Variants in HTRA1 observed in about 807,000 individuals in gnomAD.
The protein encoded by HTRA1 is HtrA serine peptidase 1, also known as serine protease HTRA1.
A neutral mutation model predicts 49.7 loss-of-function variants in HTRA1; 26 were observed. That is an observed-to-expected ratio of 0.52 (90% CI 0.38 to 0.73). HTRA1 has a LOEUF of 0.73. HTRA1 is among the 30% of genes least tolerant of loss of function. The pLI is 0.00. For synonymous variants in HTRA1, 291 were observed against 286.9 expected (o/e 1.01, Z -0.14); for missense variants, 561 against 667.2 (o/e 0.84, Z 1.75).
chr10:122,502,817 C>CT, intron 3 of HTRA1, among the ~76,000 whole-genome samples: 1 of 152,372 alleles, frequency 6.6e-6, no homozygotes, highest in East Asian at 1.9e-4. Context: ...CGCCTGGGCT[C>CT]TATGAGAGCA....
rs1194749379 is a variant in HTRA1 at position 122,490,962 on chromosome 10, G to A, written c.777+1336G>A. On this transcript the variant is annotated intron_variant, in intron 3 of 8. Coordinates refer to ENST00000368984, the MANE Select transcript of HTRA1 (RefSeq NM_002775.5). This position sits in a 1 kb window ranked among gnomAD's most constrained non-coding sequence, Gnocchi z 4.2. ...TATGGCTGGGTGGCCAGGCATGGCC[G>A]AAGAGGCTCTGGGTAGATATAGGCT... is the stretch of plus-strand genomic sequence containing the variant. 6.6e-6 allele frequency among the ~76,000 whole-genome samples: 1 copy of A among 152,170 alleles called. No individual in the cohort carries two copies. Among genetic ancestry groups the A allele is most frequent in the Non-Finnish European group, 1.5e-5 (1 of 68,044 alleles).
rs1459099658 is a variant in HTRA1, at chr10:122,461,757, C to G, written c.105C>G (p.Ala35=). 3.7e-5 allele frequency: 41 copies of G among 1,107,826 alleles called. No homozygotes were observed. The highest frequency in any genetic ancestry group is 4.3e-5 in the Non-Finnish European group (39 of 907,234). The allele number at this position is 1,107,826 out of a possible 1,614,324, so 68.6% of individuals were successfully genotyped here. ...CCGGCCGCTCGGCGCCTTTGGCCGC[C>G]GGGTGCCCAGACCGCTGCGAGCCGG... is the stretch of plus-strand genomic sequence containing the variant. The part of the protein sequence containing the change: ...SRAGRSAPLA[A]GCPDRCEPAR... Residue 35 remains alanine, a synonymous_variant, in exon 1 of 9, where the codon GCC becomes GCG. Transcript: ENST00000368984.
chr10:122,474,885 A>AT (rs11322423), intron 1 of HTRA1, among the ~76,000 whole-genome samples: 37 of 151,046 alleles, frequency 2.4e-4, no homozygotes, highest in East Asian at 2.0e-3. Flanking sequence ...GAAAAACACA[A>AT]TTTTTTTTTT....
intron 1 of HTRA1, among the ~76,000 whole-genome samples, chr10:122,469,593 T>TGG (rs2097485264): frequency 6.6e-6 from 1 of 152,248 alleles, no homozygotes; most frequent in South Asian, 2.1e-4. Flanking sequence ...CCACTGCCAC[T>TGG]GGGTGCTCTG....
chr10:122,503,355 G>A (rs578043377), intron 3 of HTRA1, among the ~76,000 whole-genome samples: 49 of 152,224 alleles, frequency 3.2e-4, no homozygotes, highest in Non-Finnish European at 5.9e-4. Context: ...CAGACTCGAG[G>A]TGAGGCTCAC....
rs1055971637 is a variant in HTRA1, at chr10:122,514,519, G to T, written c.*160G>T. On this transcript the variant is annotated 3_prime_UTR_variant, in exon 9 of 9. Coordinates refer to ENST00000368984, the MANE Select transcript of HTRA1 (RefSeq NM_002775.5). ...CCAACAGAATCCTTCTTGATAGTTTGCAGGCAAAACAAATGTAATGTTGCA... is the reference window on the plus strand; with the variant it reads ...CCAACAGAATCCTTCTTGATAGTTTTCAGGCAAAACAAATGTAATGTTGCA... 4.2e-6 allele frequency: 3 copies of T among 709,904 alleles called. No homozygotes were observed. In the South Asian group the frequency reaches 4.8e-5, roughly 11 times the overall value. The allele number at this position is 709,904 out of a possible 1,614,324, so 44.0% of individuals were successfully genotyped here.
chr10:122,489,774 G>C lies in HTRA1; in HGVS notation c.777+148G>C, dbSNP rs868619705. 6.3e-5 allele frequency: 49 copies of C among 772,310 alleles called. 1 individual carries two copies. Among genetic ancestry groups the C allele is most frequent in the South Asian group, 5.8e-4 (39 of 67,760 alleles). The allele number at this position is 772,310 out of a possible 1,614,324, so 47.8% of individuals were successfully genotyped here. A position where few individuals can be genotyped will look rare whatever the true frequency, so the allele number is the denominator to read the frequency against. On this transcript the variant is annotated intron_variant, in intron 3 of 8. Transcript: ENST00000368984. ...CACAGGAGGGCCTTGAGGAGATGCT[G>C]AGTATGGCCTGGGGGTGTGGGAGAG... is the stretch of plus-strand genomic sequence containing the variant.
intron 1 of HTRA1, among the ~76,000 whole-genome samples, chr10:122,475,762 C>T (rs2097488187): frequency 6.6e-6 from 1 of 152,328 alleles, no homozygotes; most frequent in South Asian, 2.1e-4. Flanking sequence ...GTGCCCATGT[C>T]CCCGGCGCCC....
Position 122,463,038 on chromosome 10 carries a change from G to A in HTRA1, c.472+914G>A, listed in dbSNP as rs975268990. Among the ~76,000 whole-genome samples the A allele has an allele frequency of 5.9e-5, 9 of 152,356 alleles. No individual in the cohort carries two copies. In the East Asian group the frequency reaches 1.7e-3, roughly 29 times the overall value. On this transcript the variant is annotated intron_variant, in intron 1 of 8. Transcript: ENST00000368984. ...GAAAAATAATATCGAGTTCAGCAGC[G>A]GCCAGCCCCGCGTTGTAGGAACCAG...
intron 3 of HTRA1, among the ~76,000 whole-genome samples, chr10:122,489,837 A>G (rs950503951): frequency 6.6e-6 from 1 of 152,114 alleles, no homozygotes; most frequent in African/African-American, 2.4e-5. Context: ...GAGCCAGATA[A>G]AAGTTTTTAA....
intron 5 of HTRA1, among the ~76,000 whole-genome samples, chr10:122,507,993 C>T (rs908012136): frequency 1.1e-4 from 16 of 152,100 alleles, no homozygotes; most frequent in African/African-American, 3.6e-4. Flanking sequence ...GCTCTGGGGC[C>T]ATTTATAGAG....
Position 122,506,371 on chromosome 10 carries a change from G to C in HTRA1, c.778-320G>C, listed in dbSNP as rs183318340. 3.3e-4 allele frequency among the ~76,000 whole-genome samples: 51 copies of C among 152,278 alleles called. No individual in the cohort carries two copies. Among genetic ancestry groups the C allele is most frequent in the African/African-American group, 1.2e-3 (51 of 41,552 alleles). On this transcript the variant is annotated intron_variant, in intron 3 of 8. Coordinates refer to ENST00000368984, the MANE Select transcript of HTRA1 (RefSeq NM_002775.5). The surrounding 1 kb of genome is among the most constrained non-coding windows in gnomAD (Gnocchi z 5.2). ...TCTGTCTCTTGGCCTCAAGGTTTCA[G>C]AGTGAGTCTGTGCTGATAGCTTCAA... is the stretch of plus-strand genomic sequence containing the variant.
At chr10:122,504,692 G>C (rs1375437138) in intron 3 of HTRA1, among the ~76,000 whole-genome samples, 1 of 152,220 alleles carries the variant, frequency 6.6e-6, no homozygotes, top group African/African-American at 2.4e-5. Context: ...GCACATCCCA[G>C]CCCTGCCTCC....
chr10:122,479,290 G>T (rs1407593019), intron 1 of HTRA1, among the ~76,000 whole-genome samples: 3 of 152,232 alleles, frequency 2.0e-5, no homozygotes, highest in Admixed American at 6.5e-5. Context: ...CTGAGAAGGT[G>T]GGGACCAAGG....
At chr10:122,480,342 G>A (rs1028426258) in intron 1 of HTRA1, among the ~76,000 whole-genome samples, 12 of 97,380 alleles carry the variant, frequency 1.2e-4, no homozygotes, top group African/African-American at 3.8e-4. Flanking sequence ...CATCAGGGCG[G>A]GCGAGGGCAG....
At chr10:122,501,868 C>A (rs560274815) in intron 3 of HTRA1, among the ~76,000 whole-genome samples, 1 of 151,104 alleles carries the variant, frequency 6.6e-6, no homozygotes, top group Admixed American at 6.6e-5. Context: ...AAGGAAGGAG[C>A]CTTGTTCTTG....
chr10:122,461,608 GC>G lies in HTRA1; in HGVS notation c.-42del, dbSNP rs1371605183. Reference sequence around the variant, plus strand: ...GCACTCTCCCCGGCGCCGCTCTCCGGCCCTCGCCCTGTCCGCCGCCACCGCC... The same window carrying G: ...GCACTCTCCCCGGCGCCGCTCTCCGGCCTCGCCCTGTCCGCCGCCACCGCC... On this transcript the variant is annotated 5_prime_UTR_variant, in exon 1 of 9. Transcript: ENST00000368984. The G allele has an allele frequency of 2.5e-6, 3 of 1,209,430 alleles. No homozygotes were observed. The highest frequency in any genetic ancestry group is 3.2e-4 in the Middle Eastern group (1 of 3,088). The allele number at this position is 1,209,430 out of a possible 1,614,324, so 74.9% of individuals were successfully genotyped here. A position where few individuals can be genotyped will look rare whatever the true frequency, so the allele number is the denominator to read the frequency against.
Position 122,508,763 on chromosome 10 carries a change from G to A in HTRA1, c.1113G>A (p.Gln371=), listed in dbSNP as rs780392814. 2 of 1,604,366 alleles carry A rather than the reference G, an allele frequency of 1.2e-6. No homozygotes were observed. The highest frequency in any genetic ancestry group is 1.1e-5 in the South Asian group (1 of 90,890). ...TCCTCACGGAGTCCCATGACCGACA[G>A]GCCAAAGGTAGGCAAGGCCCACACA... ...KKFLTESHDR[Q]AKGKAITKKK... The change falls in exon 6 of 9, where the codon CAG becomes CAA. Residue 371 remains glutamine (Q), a synonymous_variant. Coordinates refer to ENST00000368984, the MANE Select transcript of HTRA1 (RefSeq NM_002775.5).
intron 3 of HTRA1, among the ~76,000 whole-genome samples, chr10:122,501,365 CCAAA>C (rs1233937824): frequency 4.6e-5 from 7 of 152,066 alleles, no homozygotes; most frequent in African/African-American, 7.2e-5. Context: ...CTCCACCCTG[CCAAA>C]CAAACAAACA....
Sources: gnomAD v4.1 joint callset for allele counts (sites outside exome capture counted in the v4.1 genomes callset) on GRCh38, gnomAD v4.1.1 for gene constraint, Gnocchi (gnomAD v3.1) non-coding constraint, MANE v1.5 for transcripts, NCBI Gene and HGNC (gene_info 2026-07-23, HGNC 2026-07-21) for gene names.